HOXC4: variants seen among roughly 807,000 people sequenced by gnomAD.
HOXC4 encodes homeobox C4.
In HOXC4, 15 loss-of-function variants were observed where a neutral mutation model predicts 25.5. The observed-to-expected ratio is 0.59, with a 90% CI of 0.39 to 0.91. HOXC4 has a LOEUF of 0.91. HOXC4 is among the 40% of genes least tolerant of loss of function. The probability of loss-of-function intolerance (pLI) is 0.00; values close to 1 mark genes in which losing one functional copy is unlikely to be tolerated. For missense variants in HOXC4, 342 were observed against 352.4 expected (o/e 0.97, Z 0.24); for synonymous variants, 165 against 148.0 (o/e 1.11, Z -0.83).
chr12:54,049,477 C>A (rs1237583742), upstream of HOXC4, among the ~76,000 whole-genome samples: 1 of 151,126 alleles, frequency 6.6e-6, no homozygotes, highest in African/African-American at 2.4e-5. Flanking sequence ...TGCCTAAGGT[C>A]TCCAAACAAA....
chr12:54,034,142 C>T, intron 1 of HOXC4: 3 of 859,674 alleles, frequency 3.5e-6, no homozygotes, highest in Non-Finnish European at 5.9e-6. Context: ...GGCCCGCCTG[C>T]GGCCCGCGTG....
At chr12:54,041,959 A>G (rs1941280284) in intron 1 of HOXC4, among the ~76,000 whole-genome samples, 1 of 148,026 alleles carries the variant, frequency 6.8e-6, no homozygotes, top group Non-Finnish European at 1.5e-5. Context: ...CACCGCGCCC[A>G]GCCTTTTCTT....
chr12:54,030,402 C>A (rs997999215), intron 1 of HOXC4: 1 of 153,450 alleles, frequency 6.5e-6, no homozygotes, highest in Non-Finnish European at 1.5e-5. Flanking sequence ...CGGGGAGGGC[C>A]GGAGGCCCAA....
At chr12:54,045,134 G>A (rs182042377) in intron 1 of HOXC4, among the ~76,000 whole-genome samples, 1 of 152,326 alleles carries the variant, frequency 6.6e-6, no homozygotes, top group African/African-American at 2.4e-5. Context: ...AAACCCACAA[G>A]CACTAGAGAT....
chr12:54,026,992 G>C (rs12319419), intron 1 of HOXC4, among the ~76,000 whole-genome samples: 45,378 of 147,968 alleles, frequency 0.31, 7,488 homozygotes, highest in East Asian at 0.44. Flanking sequence ...AGCTTTCTCT[G>C]CTCCCCGCAC....
At chr12:54,051,581 A>G (rs1413241264), upstream of HOXC4, among the ~76,000 whole-genome samples, 1 of 152,168 alleles carries the variant, frequency 6.6e-6, no homozygotes, top group East Asian at 1.9e-4. Context: ...GCCAACTCTG[A>G]GAATTTGGGA....
chr12:54,032,360 A>T (rs1164547918), intron 1 of HOXC4, among the ~76,000 whole-genome samples: 1 of 152,116 alleles, frequency 6.6e-6, no homozygotes, highest in African/African-American at 2.4e-5. Context: ...AGCTAATTCT[A>T]CTTTCTCTTG....
intron 1 of HOXC4, chr12:54,034,126 T>G (rs1227046611): frequency 2.6e-6 from 2 of 768,676 alleles, no homozygotes; most frequent in Non-Finnish European, 4.6e-6. Flanking sequence ...GGGGCTGGGC[T>G]GGGCTGGCCC....
At chr12:54,024,677 C>T (rs1426856816) in intron 1 of HOXC4, among the ~76,000 whole-genome samples, 1 of 144,958 alleles carries the variant, frequency 6.9e-6, no homozygotes, top group Non-Finnish European at 1.5e-5. Flanking sequence ...CCCACCCTTT[C>T]CCCAGTTCAG....
intron 1 of HOXC4, among the ~76,000 whole-genome samples, chr12:54,027,356 A>T (rs374040599): frequency 2.6e-5 from 4 of 152,056 alleles, no homozygotes; most frequent in East Asian, 3.9e-4. Flanking sequence ...CTGAGTCTGG[A>T]GGGGGCAGGG....
chr12:54,040,606 G>C (rs1267978521), intron 1 of HOXC4, among the ~76,000 whole-genome samples: 1 of 152,178 alleles, frequency 6.6e-6, no homozygotes, highest in Non-Finnish European at 1.5e-5. Flanking sequence ...TTATTCCCAC[G>C]TTCGCCAGCG....
intron 1 of HOXC4, among the ~76,000 whole-genome samples, chr12:54,023,249 C>A (rs1056086020): frequency 2.0e-5 from 3 of 152,144 alleles, no homozygotes; most frequent in Non-Finnish European, 2.9e-5. Flanking sequence ...CAGGGCTGAG[C>A]GTGATGGGGT....
intron 1 of HOXC4, among the ~76,000 whole-genome samples, chr12:54,047,506 G>A (rs983157548): frequency 5.3e-5 from 8 of 152,232 alleles, no homozygotes; most frequent in African/African-American, 1.9e-4. Flanking sequence ...GGGAGGACTC[G>A]GAAATACACA....
chr12:54,038,703 C>T (rs1235911832), intron 1 of HOXC4, among the ~76,000 whole-genome samples: 1 of 152,146 alleles, frequency 6.6e-6, no homozygotes, highest in Admixed American at 6.5e-5. Flanking sequence ...CTTGGGTCTT[C>T]CTGGCATTCC....
Position 54,055,285 on chromosome 12 carries a change from A to AT in HOXC4, c.*80_*81insT, listed in dbSNP as rs1937951256. 14 of 228,090 alleles carry AT rather than the reference A, an allele frequency of 6.1e-5. No homozygotes were observed. The highest frequency in any genetic ancestry group is 1.1e-4 in the Non-Finnish European group (14 of 131,498). 14.1% of individuals were successfully genotyped at this position (228,090 alleles called of 1,614,324 possible). On this transcript the variant is annotated 3_prime_UTR_variant, in exon 2 of 2. Transcript: ENST00000430889. ...AAATTGACTCTTATTTATAGAATTT[A>AT]ATATATATATATATATATATATATA...
At chr12:54,031,949 G>A (rs1388817880) in intron 1 of HOXC4, among the ~76,000 whole-genome samples, 1 of 152,164 alleles carries the variant, frequency 6.6e-6, no homozygotes, top group African/African-American at 2.4e-5. Flanking sequence ...GGAAAGCCTA[G>A]CCCAGAGACC....
intron 1 of HOXC4, among the ~76,000 whole-genome samples, chr12:54,024,267 C>G (rs1940583956): frequency 6.6e-6 from 1 of 152,168 alleles, no homozygotes; most frequent in South Asian, 2.1e-4. Flanking sequence ...CGGGCAGCTG[C>G]GGTCGCGTCC....
intron 1 of HOXC4, among the ~76,000 whole-genome samples, chr12:54,018,077 C>T (rs1041150437): frequency 1.3e-5 from 2 of 152,070 alleles, no homozygotes; most frequent in African/African-American, 4.8e-5. Flanking sequence ...AGGAGAGCGT[C>T]TGCCCACCCC....
intron 1 of HOXC4, chr12:54,033,323 C>T (rs1231067616): frequency 1.9e-6 from 3 of 1,613,644 alleles, no homozygotes; most frequent in South Asian, 1.1e-5. Flanking sequence ...CTGCCAACCC[C>T]CGGGCTCACC....
Sources: gnomAD v4.1 joint callset for allele counts (sites outside exome capture counted in the v4.1 genomes callset) on GRCh38, gnomAD v4.1.1 for gene constraint, MANE v1.5 for transcripts, NCBI Gene and HGNC (gene_info 2026-07-23, HGNC 2026-07-21) for gene names.